The following LRRC4C variants were observed in gnomAD, a reference collection of about 807,000 sequenced individuals.
The protein encoded by LRRC4C is leucine-rich repeat-containing protein 4C.
LRRC4C carries 5 observed loss-of-function variants against 33.6 expected under a neutral mutation model. The ratio of observed to expected loss-of-function variants is 0.15; its 90% CI spans 0.08 to 0.31. The LOEUF (loss-of-function observed/expected upper bound fraction) is 0.31. LRRC4C is among the 10% of genes least tolerant of loss of function. The probability of loss-of-function intolerance (pLI) is 1.00; values close to 1 mark genes in which losing one functional copy is unlikely to be tolerated. For missense variants in LRRC4C, 560 were observed against 796.7 expected (o/e 0.70, Z 3.58); for synonymous variants, 329 against 302.0 (o/e 1.09, Z -0.93).
At chr11:40,467,644 G>T (rs866844986) in intron 3 of LRRC4C, among the ~76,000 whole-genome samples, 1 of 152,126 alleles carries the variant, frequency 6.6e-6, no homozygotes, top group Non-Finnish European at 1.5e-5. Flanking sequence ...TTCTTGAGCA[G>T]AAATGAGTAG....
intron 3 of LRRC4C, among the ~76,000 whole-genome samples, chr11:40,536,383 G>C (rs541066220): frequency 6.6e-6 from 1 of 151,994 alleles, no homozygotes; most frequent in Non-Finnish European, 1.5e-5. Context: ...TAGTAGAGAC[G>C]GGGTTTCACC....
chr11:40,703,888 A>T (rs896358928), intron 2 of LRRC4C, among the ~76,000 whole-genome samples: 1 of 152,186 alleles, frequency 6.6e-6, no homozygotes, highest in African/African-American at 2.4e-5. Flanking sequence ...TTAGTAATTA[A>T]TCTTACCATT....
intron 2 of LRRC4C, among the ~76,000 whole-genome samples, chr11:40,925,206 A>G (rs563834013): frequency 2.6e-5 from 4 of 152,112 alleles, no homozygotes; most frequent in South Asian, 2.1e-4. Context: ...TCTTCATTCA[A>G]TAAAAACCCA....
At chr11:40,276,980 T>C (rs17388915) in intron 4 of LRRC4C, among the ~76,000 whole-genome samples, 4,638 of 152,138 alleles carry the variant, frequency 0.03, 116 homozygotes, top group Middle Eastern at 0.13. Flanking sequence ...ACTATATCTC[T>C]TCCTGCCTCT....
At chr11:40,277,116 C>T (rs1384850496) in intron 4 of LRRC4C, among the ~76,000 whole-genome samples, 8 of 152,054 alleles carry the variant, frequency 5.3e-5, no homozygotes, top group East Asian at 1.9e-4. Context: ...AGGAAATATG[C>T]GGTACAGCCT....
At chr11:41,133,812 C>G (rs548441146) in intron 1 of LRRC4C, among the ~76,000 whole-genome samples, 2 of 152,208 alleles carry the variant, frequency 1.3e-5, no homozygotes, top group East Asian at 3.9e-4. Context: ...TCTGCAGATT[C>G]CAAATTTTAG....
intron 1 of LRRC4C, among the ~76,000 whole-genome samples, chr11:41,257,262 T>C (rs527675651): frequency 1.2e-4 from 18 of 152,046 alleles, no homozygotes; most frequent in African/African-American, 4.1e-4. Context: ...GGAAAAGAAC[T>C]TGGAAAGGTG....
intron 1 of LRRC4C, among the ~76,000 whole-genome samples, chr11:41,297,846 G>A (rs1463947561): frequency 6.6e-6 from 1 of 152,152 alleles, no homozygotes; most frequent in Non-Finnish European, 1.5e-5. Context: ...GCAGAATCTG[G>A]TATTCAGAAA....
intron 4 of LRRC4C, among the ~76,000 whole-genome samples, chr11:40,259,068 A>C (rs1361711760): frequency 1.3e-5 from 2 of 152,204 alleles, no homozygotes; most frequent in East Asian, 3.9e-4. Context: ...GAGGTAGTCA[A>C]GACAAAGTAT....
chr11:40,801,244 T>A (rs1187502639), intron 2 of LRRC4C, among the ~76,000 whole-genome samples: 1 of 152,194 alleles, frequency 6.6e-6, no homozygotes, highest in Non-Finnish European at 1.5e-5. Context: ...AAAAATTTTA[T>A]CTATTTTCCA....
At chr11:40,599,291 T>TA (rs1959717879) in intron 3 of LRRC4C, among the ~76,000 whole-genome samples, 2 of 147,180 alleles carry the variant, frequency 1.4e-5, no homozygotes, top group Admixed American at 6.8e-5. Flanking sequence ...CTACAAAAAT[T>TA]TAAAAAAAAA....
At chr11:41,076,738 C>T (rs1321802320) in intron 1 of LRRC4C, among the ~76,000 whole-genome samples, 2 of 152,154 alleles carry the variant, frequency 1.3e-5, no homozygotes, top group African/African-American at 2.4e-5. Context: ...CATTTCAAAA[C>T]CAATCATGCC....
intron 3 of LRRC4C, among the ~76,000 whole-genome samples, chr11:40,471,045 G>T (rs1324967161): frequency 6.6e-6 from 1 of 152,052 alleles, no homozygotes; most frequent in Non-Finnish European, 1.5e-5. Context: ...CACCACAAAG[G>T]TACTCCTTGA....
intron 1 of LRRC4C, among the ~76,000 whole-genome samples, chr11:41,371,295 A>G (rs1279229552): frequency 1.3e-5 from 2 of 152,200 alleles, no homozygotes; most frequent in African/African-American, 4.8e-5. Flanking sequence ...GACCGATAGG[A>G]AGACAGATGA....
intron 1 of LRRC4C, among the ~76,000 whole-genome samples, chr11:41,439,646 A>AT (rs1171826865): frequency 1.3e-5 from 2 of 151,966 alleles, no homozygotes; most frequent in African/African-American, 2.4e-5. Context: ...GATGTTGAGC[A>AT]TTTTTTCATA....
chr11:40,888,318 T>G (rs1955554208), intron 2 of LRRC4C, among the ~76,000 whole-genome samples: 1 of 151,944 alleles, frequency 6.6e-6, no homozygotes. Flanking sequence ...GCTTTCTTAT[T>G]TTTGTCTCTT....
At chr11:41,450,968 T>C (rs985142617) in intron 1 of LRRC4C, among the ~76,000 whole-genome samples, 2 of 152,176 alleles carry the variant, frequency 1.3e-5, no homozygotes, top group African/African-American at 4.8e-5. Flanking sequence ...TTTTACGTGC[T>C]GACTTTATTA....
At chr11:41,249,270 G>C (rs188000314) in intron 1 of LRRC4C, among the ~76,000 whole-genome samples, 3 of 151,970 alleles carry the variant, frequency 2.0e-5, no homozygotes, top group Non-Finnish European at 4.4e-5. Context: ...TCCTGGCCTC[G>C]TGATCTGCCC....
chr11:41,452,125 T>C (rs1182558609), intron 1 of LRRC4C, among the ~76,000 whole-genome samples: 1 of 152,148 alleles, frequency 6.6e-6, no homozygotes, highest in East Asian at 1.9e-4. Flanking sequence ...CTTCTTCCAT[T>C]TGGAGTATCT....
Sources: gnomAD v4.1 joint callset for allele counts (sites outside exome capture counted in the v4.1 genomes callset) on GRCh38, gnomAD v4.1.1 for gene constraint, MANE v1.5 for transcripts, NCBI Gene and HGNC (gene_info 2026-07-23, HGNC 2026-07-21) for gene names.